EYA1: variants seen among roughly 807,000 people sequenced by gnomAD.
The protein encoded by EYA1 is EYA transcriptional coactivator and phosphatase 1, also known as protein phosphatase EYA1.
A neutral mutation model predicts 82.0 loss-of-function variants in EYA1; 16 were observed. The observed-to-expected ratio is 0.20, with a 90% confidence interval of 0.13 to 0.30. EYA1 has a LOEUF of 0.30. EYA1 is among the 10% of genes least tolerant of loss of function. The probability of loss-of-function intolerance (pLI) is 1.00; values close to 1 mark genes in which losing one functional copy is unlikely to be tolerated. For missense variants in EYA1, 633 were observed against 730.7 expected, an observed-to-expected ratio of 0.87 and a Z score of 1.54; for synonymous variants, 261 against 264.4, an observed-to-expected ratio of 0.99 and a Z score of 0.12.
chr8:71,539,850 G>A (rs1815007867), intron 1 of EYA1, among the ~76,000 whole-genome samples: 1 of 152,116 alleles, frequency 6.6e-6, no homozygotes, highest in South Asian at 2.1e-4. Flanking sequence ...ATAAACTATG[G>A]CAATAAATGT....
intron 1 of EYA1, among the ~76,000 whole-genome samples, chr8:71,537,301 A>G (rs1814780153): frequency 6.6e-6 from 1 of 152,220 alleles, no homozygotes; most frequent in African/African-American, 2.4e-5. Context: ...AAATCATATG[A>G]ATGTATTCAT....
intron 17 of EYA1, among the ~76,000 whole-genome samples, chr8:71,203,504 GA>G (rs1335372943): frequency 1.3e-5 from 2 of 152,170 alleles, no homozygotes; most frequent in African/African-American, 4.8e-5. Context: ...AAGAATGGGT[GA>G]AGTTGGAGAG....
chr8:71,360,232 AT>A, intron 1 of EYA1, among the ~76,000 whole-genome samples: 1 of 152,336 alleles, frequency 6.6e-6, no homozygotes, highest in Middle Eastern at 3.4e-3. Flanking sequence ...AAAAATAAGT[AT>A]TTAAACCACA....
intron 7 of EYA1, among the ~76,000 whole-genome samples, chr8:71,303,173 C>T (rs2129005184): frequency 7.0e-6 from 1 of 142,232 alleles, no homozygotes; most frequent in African/African-American, 2.5e-5. Flanking sequence ...TCCGCTTTCT[C>T]AGAAAAGCCT....
chr8:71,475,315 A>T (rs1809572309), intron 2 of EYA1, among the ~76,000 whole-genome samples: 1 of 152,192 alleles, frequency 6.6e-6, no homozygotes, highest in South Asian at 2.1e-4. Flanking sequence ...TTGAAAGGTT[A>T]TGTCTGGGAT....
Position 71,295,595 on chromosome 8 carries a change from G to C in EYA1, c.826+3452C>G, listed in dbSNP as rs140728950. Among the ~76,000 whole-genome samples, 422 of 152,270 alleles carry C rather than the reference G, an allele frequency of 2.8e-3. 4 individuals carry two copies. Among genetic ancestry groups the C allele is most frequent in the African/African-American group, 9.9e-3 (412 of 41,552 alleles). On this transcript the variant is annotated intron_variant, in intron 9 of 17. Coordinates refer to ENST00000340726, the MANE Select transcript of EYA1 (RefSeq NM_000503.6). ...TTCTGGCAAGAATATGGAGCAACAGGAACTCTTATTCATTGCTGATGAGAA... is the reference window on the plus strand; with the variant it reads ...TTCTGGCAAGAATATGGAGCAACAGCAACTCTTATTCATTGCTGATGAGAA...
At chr8:71,357,882 G>A (rs888520942) in intron 1 of EYA1, among the ~76,000 whole-genome samples, 27 of 151,936 alleles carry the variant, frequency 1.8e-4, no homozygotes, top group African/African-American at 5.8e-4. Context: ...AACCTTCTGC[G>A]ATTTTTGTTA....
chr8:71,405,128 C>T (rs999839561), intron 2 of EYA1, among the ~76,000 whole-genome samples: 2 of 152,006 alleles, frequency 1.3e-5, no homozygotes, highest in African/African-American at 4.8e-5. Context: ...ATTACACGTT[C>T]CAGAAAGGTA....
intron 9 of EYA1, 142 bp from the exon 10 acceptor site, chr8:71,272,039 C>T (rs1816608571): frequency 5.7e-6 from 5 of 878,806 alleles, no homozygotes; most frequent in East Asian, 2.4e-5. Flanking sequence ...TTTACTTGCG[C>T]TGGTAAATAA....
intron 2 of EYA1, chr8:71,535,638 T>C: frequency 2.5e-6 from 2 of 795,704 alleles, no homozygotes. Flanking sequence ...GGTACATTGG[T>C]ACAGAGCTTT....
intron 3 of EYA1, among the ~76,000 whole-genome samples, chr8:71,349,147 C>T (rs1425253161): frequency 1.3e-5 from 2 of 152,132 alleles, no homozygotes; most frequent in East Asian, 1.9e-4. Context: ...CCTAATGATG[C>T]AATACAATGT....
chr8:71,420,897 G>A (rs1311645930), intron 2 of EYA1, among the ~76,000 whole-genome samples: 1 of 152,170 alleles, frequency 6.6e-6, no homozygotes, highest in Non-Finnish European at 1.5e-5. Flanking sequence ...GTCAAGGCAG[G>A]TTTGTGGGTT....
chr8:71,374,801 C>T (rs922356546), intron 2 of EYA1, among the ~76,000 whole-genome samples: 1 of 152,022 alleles, frequency 6.6e-6, no homozygotes, highest in African/African-American at 2.4e-5. Context: ...GGTATATATA[C>T]ACAATGGAAT....
At chr8:71,200,354 G>A (rs1031693485) in intron 17 of EYA1, among the ~76,000 whole-genome samples, 15 of 152,168 alleles carry the variant, frequency 9.9e-5, no homozygotes, top group Non-Finnish European at 2.2e-4. Flanking sequence ...AGAGAAATGA[G>A]GGTTTTTGTT....
intron 2 of EYA1, among the ~76,000 whole-genome samples, chr8:71,400,984 C>T (rs1285617230): frequency 6.6e-6 from 1 of 152,160 alleles, no homozygotes; most frequent in African/African-American, 2.4e-5. Flanking sequence ...ATGCCCTTTT[C>T]AGGGACATGG....
chr8:71,257,086 AG>A lies in EYA1; in HGVS notation c.1051-12395del, dbSNP rs1006674097. 3.1e-3 allele frequency among the ~76,000 whole-genome samples: 468 copies of A among 152,316 alleles called. 4 individuals are homozygous for A. Among genetic ancestry groups the A allele is most frequent in the African/African-American group, 0.011 (445 of 41,578 alleles). On this transcript the variant is annotated intron_variant, in intron 11 of 17. Coordinates refer to ENST00000340726, the MANE Select transcript of EYA1 (RefSeq NM_000503.6). ...TTACAGAATTATTTTTAATTTCACTAGATGGCTAAGGTGCTGAATACTATTT... is the reference window on the plus strand; with the variant it reads ...TTACAGAATTATTTTTAATTTCACTAATGGCTAAGGTGCTGAATACTATTT...
At chr8:71,407,888 C>G (rs1830351680) in intron 2 of EYA1, among the ~76,000 whole-genome samples, 1 of 149,884 alleles carries the variant, frequency 6.7e-6, no homozygotes. Context: ...AAAGATACTC[C>G]TTGAGAAGAG....
rs142037443 is a variant in EYA1 at position 71,446,731 on chromosome 8, T to G, written c.33+89013A>C. ...TTTCAGGATTGGTAGTTATTTCTGG[T>G]TGCACCTCTGCAACTCAGATCTGCC... is the stretch of plus-strand genomic sequence containing the variant. On this transcript the variant is annotated intron_variant, in intron 2 of 18. Transcript: ENST00000643681. Among the ~76,000 whole-genome samples the G allele has an allele frequency of 3.8e-3, 579 of 152,304 alleles. 2 individuals carry two copies. The highest frequency in any genetic ancestry group is 0.013 in the African/African-American group (551 of 41,566).
chr8:71,324,953 C>A (rs966008084), intron 4 of EYA1, among the ~76,000 whole-genome samples: 3 of 152,188 alleles, frequency 2.0e-5, no homozygotes, highest in African/African-American at 7.2e-5. Context: ...TTGTCCCACT[C>A]AGAGATGGCC....
Sources: allele counts gnomAD v4.1 joint callset (sites outside exome capture counted in the v4.1 genomes callset), GRCh38; gene constraint gnomAD v4.1.1; transcripts MANE v1.5; gene names NCBI Gene and HGNC (gene_info 2026-07-23, HGNC 2026-07-21).